Variants in KCNMB2 observed in about 807,000 individuals in gnomAD.
KCNMB2 encodes potassium calcium-activated channel subfamily M regulatory beta subunit 2, also known as calcium-activated potassium channel subunit beta-2.
KCNMB2 carries 9 observed loss-of-function variants against 24.5 expected under a neutral mutation model. The ratio of observed to expected loss-of-function variants is 0.37; its 90% CI spans 0.22 to 0.64. KCNMB2 has a LOEUF of 0.64. Among genes scored for constraint, KCNMB2 ranks in the 30% least tolerant of loss-of-function variants. KCNMB2 has a pLI of 0.63. For missense variants in KCNMB2, 226 were observed against 284.3 expected (o/e 0.79, Z 1.47); for synonymous variants, 109 against 104.4 (o/e 1.04, Z -0.27).
Position 178,843,178 on chromosome 3 carries a change from C to T in KCNMB2, c.*241C>T. 1 of 586,238 alleles carries T rather than the reference C, an allele frequency of 1.7e-6. No homozygotes were observed. Among genetic ancestry groups the T allele is most frequent in the Non-Finnish European group, 3.2e-6 (1 of 311,622 alleles). 36.3% of individuals were successfully genotyped at this position (586,238 alleles called of 1,614,324 possible). A position where few individuals can be genotyped will look rare whatever the true frequency, so the allele number is the denominator to read the frequency against. ...TCATAATCTTATTTCTGTACTGGAA[C>T]TAGTACTTTCTTCTCTCATTCCGCC... is the stretch of plus-strand genomic sequence containing the variant. On this transcript the variant is annotated 3_prime_UTR_variant, in exon 5 of 5. Coordinates refer to ENST00000452583, the MANE Select transcript of KCNMB2 (RefSeq NM_181361.3).
chr3:178,641,856 A>G (rs1239808513), intron 1 of KCNMB2, among the ~76,000 whole-genome samples: 1 of 152,078 alleles, frequency 6.6e-6, no homozygotes, highest in East Asian at 1.9e-4. Flanking sequence ...GAGAGTTTTT[A>G]TCATGAATGG....
At chr3:178,578,360 C>T (rs1427902109) in intron 1 of KCNMB2, among the ~76,000 whole-genome samples, 1 of 152,138 alleles carries the variant, frequency 6.6e-6, no homozygotes, top group Non-Finnish European at 1.5e-5. Flanking sequence ...GCCTGCCTTA[C>T]AAGAATTCCC....
intron 4 of KCNMB2, among the ~76,000 whole-genome samples, chr3:178,839,083 A>G (rs1046030063): frequency 6.6e-6 from 1 of 152,272 alleles, no homozygotes; most frequent in Middle Eastern, 3.4e-3. Flanking sequence ...AAGGGGCAGG[A>G]CAGTAAAAAG....
chr3:178,822,479 C>T (rs969099805), intron 2 of KCNMB2, among the ~76,000 whole-genome samples: 2 of 152,232 alleles, frequency 1.3e-5, no homozygotes, highest in Non-Finnish European at 2.9e-5. Flanking sequence ...TCCTTTGGGG[C>T]AGGGGCCATA....
At position 178,773,777 on chromosome 3, in the gene KCNMB2, G is replaced by A. The variant is rs765491702; in HGVS notation, c.-67-33566G>A. Among the ~76,000 whole-genome samples the A allele has an allele frequency of 3.3e-5, 5 of 152,260 alleles. No individual in the cohort carries two copies. In the East Asian group the frequency reaches 7.7e-4, roughly 24 times the overall value. On this transcript the variant is annotated intron_variant, in intron 1 of 4. Transcript: ENST00000452583. The stretch of plus-strand genomic sequence containing the variant: ...TCTATCCTGCCAGTTCTCATTTACA[G>A]ACAGAAAGCCATTACATCTTCATTT...
chr3:178,732,891 C>T (rs189194415), intron 1 of KCNMB2, among the ~76,000 whole-genome samples: 90 of 152,108 alleles, frequency 5.9e-4, no homozygotes, highest in Admixed American at 3.5e-3. Context: ...AATAATGAGA[C>T]GAGGCTATCT....
At chr3:178,660,374 T>G (rs1199298908) in intron 1 of KCNMB2, among the ~76,000 whole-genome samples, 4 of 152,164 alleles carry the variant, frequency 2.6e-5, no homozygotes, top group Non-Finnish European at 4.4e-5. Flanking sequence ...GATTCTGAGA[T>G]ATTACCATCA....
chr3:178,647,947 T>C (rs1433621587), intron 1 of KCNMB2, among the ~76,000 whole-genome samples: 1 of 152,118 alleles, frequency 6.6e-6, no homozygotes, highest in Admixed American at 6.6e-5. Context: ...TGTTTTGATA[T>C]AATTATATAT....
intron 1 of KCNMB2, among the ~76,000 whole-genome samples, chr3:178,694,714 TGTAATGCTGATTCAAGAG>T (rs1721811986): frequency 6.6e-6 from 1 of 152,208 alleles, no homozygotes; most frequent in Non-Finnish European, 1.5e-5. Flanking sequence ...CTCAAATCCA[TGTAATGCTGATTCAAGAG>T]GTGGGCTCCC....
intron 1 of KCNMB2, among the ~76,000 whole-genome samples, chr3:178,587,688 C>T (rs1229479360): frequency 1.2e-4 from 18 of 150,684 alleles, no homozygotes; most frequent in African/African-American, 4.2e-4. Flanking sequence ...TCAGGTGATC[C>T]GCCCACCTCG....
intron 1 of KCNMB2, among the ~76,000 whole-genome samples, chr3:178,605,570 A>G (rs2108511343): frequency 6.6e-6 from 1 of 152,334 alleles, no homozygotes; most frequent in East Asian, 1.9e-4. Context: ...AGGCTCAGAA[A>G]GAAAAGCAGC....
intron 1 of KCNMB2, among the ~76,000 whole-genome samples, chr3:178,789,198 C>A (rs1713227081): frequency 6.6e-6 from 1 of 152,218 alleles, no homozygotes; most frequent in Non-Finnish European, 1.5e-5. Context: ...TGCTGTCCTC[C>A]TGAAACAGAT....
chr3:178,769,535 G>C (rs1268287047), intron 1 of KCNMB2, among the ~76,000 whole-genome samples: 1 of 152,052 alleles, frequency 6.6e-6, no homozygotes, highest in African/African-American at 2.4e-5. Flanking sequence ...TACCCCAAAA[G>C]GTGGACACAG....
chr3:178,807,592 A>T, intron 2 of KCNMB2, 127 bp downstream of exon 2: 1 of 733,308 alleles, frequency 1.4e-6, no homozygotes, highest in Admixed American at 2.3e-5. Flanking sequence ...ACTCTACAGT[A>T]CAGGAGTAGG....
intron 1 of KCNMB2, among the ~76,000 whole-genome samples, chr3:178,802,372 C>T (rs749583391): frequency 5.9e-5 from 9 of 152,054 alleles, no homozygotes; most frequent in Admixed American, 6.6e-5. Context: ...ATCCCAAATG[C>T]GTAGCTCAGG....
chr3:178,664,521 T>C (rs540876713), intron 1 of KCNMB2, among the ~76,000 whole-genome samples: 46 of 152,208 alleles, frequency 3.0e-4, no homozygotes, highest in African/African-American at 1.1e-3. Flanking sequence ...ATACTTGTGA[T>C]GGTGTAAGGA....
chr3:178,650,055 T>C (rs553538755), intron 1 of KCNMB2, among the ~76,000 whole-genome samples: 68 of 152,338 alleles, frequency 4.5e-4, no homozygotes, highest in Admixed American at 1.8e-3. Flanking sequence ...TTTGTTCTCA[T>C]TGGTTTCAAA....
intron 1 of KCNMB2, among the ~76,000 whole-genome samples, chr3:178,761,792 A>G (rs1000723066): frequency 6.6e-6 from 1 of 152,198 alleles, no homozygotes; most frequent in Non-Finnish European, 1.5e-5. Flanking sequence ...TCACGCATTG[A>G]CCATTTGGTT....
intron 2 of KCNMB2, among the ~76,000 whole-genome samples, chr3:178,814,166 G>A (rs529197302): frequency 6.6e-6 from 1 of 152,072 alleles, no homozygotes; most frequent in South Asian, 2.1e-4. Flanking sequence ...GCCCCCTTTT[G>A]GAGTCCCCAG....
Sources: gnomAD v4.1 joint callset for allele counts (sites outside exome capture counted in the v4.1 genomes callset) on GRCh38, gnomAD v4.1.1 for gene constraint, MANE v1.5 for transcripts, NCBI Gene and HGNC (gene_info 2026-07-23, HGNC 2026-07-21) for gene names.